Variants in HNRNPH3 observed in about 807,000 individuals in gnomAD.
The protein encoded by HNRNPH3 is heterogeneous nuclear ribonucleoprotein 2H9.
Under a neutral mutation model 47.0 loss-of-function variants are expected in HNRNPH3, and 7 were observed. The observed-to-expected ratio is 0.15, with a 90% CI of 0.08 to 0.28. The LOEUF (loss-of-function observed/expected upper bound fraction) is 0.28, where lower values mean the gene tolerates loss of function less well. Among genes scored for constraint, HNRNPH3 ranks in the 10% least tolerant of loss-of-function variants. The pLI is 1.00. For missense variants in HNRNPH3, 279 were observed against 449.6 expected, an observed-to-expected ratio of 0.62 and a Z score of 3.43; for synonymous variants, 120 against 143.2, an observed-to-expected ratio of 0.84 and a Z score of 1.16.
chr10:68,339,373 G>A (rs2045718840), intron 5 of HNRNPH3, 67 bp from the exon 6 acceptor site: 2 of 1,509,194 alleles, frequency 1.3e-6, no homozygotes, highest in Non-Finnish European at 1.8e-6. Flanking sequence ...ACCTTGTATA[G>A]TATGTATGTA....
At chr10:68,338,293 T>G in intron 3 of HNRNPH3, 1 of 460,544 alleles carries the variant, frequency 2.2e-6, no homozygotes. Flanking sequence ...AAAAATATAC[T>G]TTATGAATTG....
Position 68,340,195 on chromosome 10 carries a change from C to T in HNRNPH3, c.639+640C>T, listed in dbSNP as rs531415801. 2.7e-3 allele frequency among the ~76,000 whole-genome samples: 414 copies of T among 152,278 alleles called. 2 individuals carry two copies. The highest frequency in any genetic ancestry group is 9.6e-3 in the African/African-American group (398 of 41,556). On this transcript the variant is annotated intron_variant, in intron 6 of 9. Coordinates refer to ENST00000265866, the MANE Select transcript of HNRNPH3 (RefSeq NM_012207.3). ...GATTACAGGGGCACACCCCACCACT[C>T]CTGGCTAACTTTTTGTATTTTTAGT... is the stretch of plus-strand genomic sequence containing the variant.
intron 6 of HNRNPH3, 58 bp from the exon 7 acceptor site, chr10:68,341,116 T>G (rs2045905320): frequency 8.1e-7 from 1 of 1,228,840 alleles, no homozygotes; most frequent in African/African-American, 1.5e-5. Context: ...TCAAGGTATG[T>G]GGTAATTTAC....
At chr10:68,332,713 A>T (rs1378206783) in intron 1 of HNRNPH3, 1 of 152,342 alleles carries the variant, frequency 6.6e-6, no homozygotes, top group Admixed American at 6.5e-5. Context: ...CGCGCTCCCG[A>T]TGGAAATGGC....
intron 6 of HNRNPH3, 53 bp downstream of exon 6, chr10:68,339,608 A>G (rs1284687651): frequency 1.8e-5 from 19 of 1,083,320 alleles, no homozygotes; most frequent in Non-Finnish European, 2.5e-5. Context: ...TGGTGTCTAA[A>G]TCTTTAAGCA....
chr10:68,336,575 T>A (rs2045556362), intron 1 of HNRNPH3, among the ~76,000 whole-genome samples: 1 of 152,182 alleles, frequency 6.6e-6, no homozygotes, highest in African/African-American at 2.4e-5. Context: ...TTAATCTGAT[T>A]AATTCAGTCA....
chr10:68,341,473 A>G (rs2045934373), intron 7 of HNRNPH3, 112 bp from the exon 8 acceptor site: 3 of 997,678 alleles, frequency 3.0e-6, no homozygotes, highest in African/African-American at 3.3e-5. Context: ...CTAGTAATTA[A>G]TAAGCATACT....
At chr10:68,332,730 T>C (rs867406241) in intron 1 of HNRNPH3, 2 of 152,280 alleles carry the variant, frequency 1.3e-5, no homozygotes, top group Non-Finnish European at 2.9e-5. Flanking sequence ...TGGCGCCGGA[T>C]GGGCCTGGCC....
intron 1 of HNRNPH3, among the ~76,000 whole-genome samples, chr10:68,332,547 C>T (rs1219990345): frequency 6.6e-6 from 1 of 152,214 alleles, no homozygotes; most frequent in Non-Finnish European, 1.5e-5. Flanking sequence ...CGCCCTTCCC[C>T]GCTCTTTTTA....
At chr10:68,340,942 C>T (rs1026702358) in intron 6 of HNRNPH3, among the ~76,000 whole-genome samples, 1 of 152,106 alleles carries the variant, frequency 6.6e-6, no homozygotes, top group Non-Finnish European at 1.5e-5. Context: ...GCTGGGATTA[C>T]AGGCGTGAGC....
rs747805076 is a variant in HNRNPH3, at chr10:68,342,661, A to G, written c.*607A>G. The G allele has an allele frequency of 6.6e-6, 1 of 152,610 alleles. No individual in the cohort carries two copies. The highest frequency in any genetic ancestry group is 1.5e-5 in the Non-Finnish European group (1 of 68,028). The allele number at this position is 152,610 out of a possible 1,614,324, so 9.5% of individuals were successfully genotyped here. ...ATATTCATAATTGTGTTACCTGGGTATGAGAGTGTTGGAAGCTGAATTCTA... is the reference window on the plus strand; with the variant it reads ...ATATTCATAATTGTGTTACCTGGGTGTGAGAGTGTTGGAAGCTGAATTCTA... On this transcript the variant is annotated 3_prime_UTR_variant, in exon 10 of 10. Transcript: ENST00000265866.
intron 1 of HNRNPH3, among the ~76,000 whole-genome samples, chr10:68,333,943 A>G (rs1032069238): frequency 6.6e-6 from 1 of 152,250 alleles, no homozygotes; most frequent in Admixed American, 6.5e-5. Flanking sequence ...TATATATGAT[A>G]TAACAAATAG....
chr10:68,340,434 T>G (rs2045832143), intron 6 of HNRNPH3, among the ~76,000 whole-genome samples: 1 of 152,220 alleles, frequency 6.6e-6, no homozygotes, highest in Non-Finnish European at 1.5e-5. Context: ...CAGGAATAGA[T>G]GCTGCTGTTG....
At chr10:68,339,326 C>G in intron 5 of HNRNPH3, 100 bp downstream of exon 5, 1 of 1,558,620 alleles carries the variant, frequency 6.4e-7, no homozygotes, top group Non-Finnish European at 8.8e-7. Context: ...AAAGTTAATT[C>G]AGACAAATTT....
Position 68,338,595 on chromosome 10 carries a change from A to G in HNRNPH3, c.344A>G (p.Asp115Gly). 6.2e-7 allele frequency: 1 copy of G among 1,613,650 alleles called. No homozygotes were observed. The highest frequency in any genetic ancestry group is 8.5e-7 in the Non-Finnish European group (1 of 1,179,706). The change falls in exon 4 of 10, where the codon GAT becomes GGT. Residue 115 changes from aspartate to glycine, a missense_variant. Physicochemically the swap from Asp to Gly is moderately conservative, Grantham distance 94. Around this residue, in one of 2 missense-constraint regions of HNRNPH3, gnomAD observed 239 missense variants for 335.8 expected, o/e 0.71. Transcript: ENST00000265866. ...RLLGQRPGPY[D>G]RPIGGRGGYY... ...CTGGGACAGCGACCGGGACCATATG[A>G]TAGACCAATAGGAGGAAGAGGGGGT... is the stretch of plus-strand genomic sequence containing the variant.
Position 68,342,250 on chromosome 10 carries a change from AAAAT to A in HNRNPH3, c.*201_*204del, listed in dbSNP as rs1199955298. On this transcript the variant is annotated 3_prime_UTR_variant, in exon 10 of 10. Coordinates refer to ENST00000265866, the MANE Select transcript of HNRNPH3 (RefSeq NM_012207.3). Reference sequence around the variant, plus strand: ...TTTATTTGTTGCATACTTTGACTTAAAAATAAATTTTTATATTCAAACCACTGAT... The same window carrying A: ...TTTATTTGTTGCATACTTTGACTTAAAAATTTTTATATTCAAACCACTGAT... The A allele has an allele frequency of 6.1e-6, 3 of 494,010 alleles. No individual in the cohort carries two copies. Among genetic ancestry groups the A allele is most frequent in the African/African-American group, 2.0e-5 (1 of 50,072 alleles). 30.6% of individuals were successfully genotyped at this position (494,010 alleles called of 1,614,324 possible). A position where few individuals can be genotyped will look rare whatever the true frequency, so the allele number is the denominator to read the frequency against.
chr10:68,341,566 C>CA lies in HNRNPH3; in HGVS notation c.776-19_776-18insA, dbSNP rs1554867384. The CA allele has an allele frequency of 2.6e-6, 4 of 1,525,258 alleles. No individual in the cohort carries two copies. The highest frequency in any genetic ancestry group is 3.6e-6 in the Non-Finnish European group (4 of 1,108,818). 94.5% of individuals were successfully genotyped at this position (1,525,258 alleles called of 1,614,324 possible). A position where few individuals can be genotyped will look rare whatever the true frequency, so the allele number is the denominator to read the frequency against. On this transcript the variant is annotated intron_variant, in intron 7 of 9. Coordinates refer to ENST00000265866, the MANE Select transcript of HNRNPH3 (RefSeq NM_012207.3). ...CATCATTCCTTTCTCCCCTGTTACT[C>CA]TTTCTTTTTTTCTTAAAGAACATCG... is the stretch of plus-strand genomic sequence containing the variant.
intron 3 of HNRNPH3, 79 bp from the exon 4 acceptor site, chr10:68,338,424 C>G: frequency 1.2e-6 from 1 of 802,362 alleles, no homozygotes; most frequent in Non-Finnish European, 1.9e-6. Context: ...TATAGAAAAA[C>G]TTACTGCATT....
chr10:68,339,401 C>A, intron 5 of HNRNPH3, 39 bp from the exon 6 acceptor site: 2 of 1,560,220 alleles, frequency 1.3e-6, no homozygotes, highest in Non-Finnish European at 1.8e-6. Flanking sequence ...CTACTTGTAT[C>A]TGTAATAGTT....
Sources: allele counts gnomAD v4.1 joint callset (sites outside exome capture counted in the v4.1 genomes callset), GRCh38; gene constraint gnomAD v4.1.1; regional missense constraint gnomAD v4.1.1; transcripts MANE v1.5; gene names NCBI Gene and HGNC (gene_info 2026-07-23, HGNC 2026-07-21).